The following WDR7 variants were observed in gnomAD, a reference collection of about 807,000 sequenced individuals.
The protein encoded by WDR7 is WD repeat domain 7.
A neutral mutation model predicts 169.4 loss-of-function variants in WDR7; 46 were observed. The observed-to-expected ratio is 0.27, with a 90% confidence interval of 0.21 to 0.35. WDR7 has a LOEUF of 0.35. Among genes scored for constraint, WDR7 ranks in the 10% least tolerant of loss-of-function variants. The pLI is 1.00. For synonymous variants in WDR7, 612 were observed against 666.8 expected, an observed-to-expected ratio of 0.92 and a Z score of 1.27; for missense variants, 1,534 against 1,859.3, an observed-to-expected ratio of 0.83 and a Z score of 3.22.
chr18:56,773,436 T>G (rs2044194796), intron 16 of WDR7, among the ~76,000 whole-genome samples: 1 of 152,196 alleles, frequency 6.6e-6, no homozygotes, highest in Non-Finnish European at 1.5e-5. Context: ...TTTTGTAATC[T>G]TTTTGGCATT....
intron 14 of WDR7, among the ~76,000 whole-genome samples, chr18:56,747,104 G>C (rs936847002): frequency 2.6e-5 from 4 of 152,186 alleles, no homozygotes; most frequent in African/African-American, 9.7e-5. Flanking sequence ...AGTGGATTCA[G>C]TCTTTCCTCT....
intron 22 of WDR7, among the ~76,000 whole-genome samples, chr18:56,929,505 C>T (rs556547893): frequency 6.6e-6 from 1 of 152,158 alleles, no homozygotes; most frequent in African/African-American, 2.4e-5. Context: ...ATCCAGTATC[C>T]GTAATGTGCT....
At chr18:56,744,472 G>A (rs2043672993) in intron 14 of WDR7, among the ~76,000 whole-genome samples, 3 of 152,070 alleles carry the variant, frequency 2.0e-5, no homozygotes, top group Admixed American at 2.0e-4. Flanking sequence ...AAGAGCAAGT[G>A]TAAGGATTCA....
At chr18:57,025,056 A>G (rs2048347895) in intron 27 of WDR7, among the ~76,000 whole-genome samples, 1 of 152,200 alleles carries the variant, frequency 6.6e-6, no homozygotes, top group Admixed American at 6.5e-5. Flanking sequence ...TTACATCTAG[A>G]GTATTCCCAT....
At chr18:56,920,638 C>T (rs2046703587) in intron 21 of WDR7, among the ~76,000 whole-genome samples, 2 of 152,184 alleles carry the variant, frequency 1.3e-5, no homozygotes, top group Admixed American at 6.5e-5. Context: ...ATGGTAGCAT[C>T]ATTCCCCACC....
At chr18:57,000,129 G>C (rs1164012920) in intron 26 of WDR7, among the ~76,000 whole-genome samples, 1 of 152,174 alleles carries the variant, frequency 6.6e-6, no homozygotes, top group Non-Finnish European at 1.5e-5. Context: ...GAAACATTCA[G>C]GGAGAATGTC....
rs73444880 is a variant in WDR7 at position 56,976,139 on chromosome 18, G to C, written c.4164+13610G>C. ...AATGATCCCAGCACAGTCGATCAGG[G>C]CTTCATTGACATCACTGGTGGCTGG... On this transcript the variant is annotated intron_variant, in intron 26 of 27. Coordinates refer to ENST00000254442, the MANE Select transcript of WDR7 (RefSeq NM_015285.3). Among the ~76,000 whole-genome samples, 212 of 152,236 alleles carry C rather than the reference G, an allele frequency of 1.4e-3. 2 individuals are homozygous for C. The highest frequency in any genetic ancestry group is 4.8e-3 in the African/African-American group (199 of 41,526).
chr18:56,898,662 C>T (rs180702468), intron 21 of WDR7, among the ~76,000 whole-genome samples: 297 of 152,064 alleles, frequency 2.0e-3, no homozygotes, highest in African/African-American at 6.8e-3. Flanking sequence ...CAAAATGAAC[C>T]ATTATTCACC....
At chr18:56,775,345 C>A (rs1312333563) in intron 16 of WDR7, among the ~76,000 whole-genome samples, 2 of 152,056 alleles carry the variant, frequency 1.3e-5, no homozygotes, top group African/African-American at 4.8e-5. Flanking sequence ...TTACTCCTGG[C>A]TACCAAGGCT....
chr18:56,967,278 C>G (rs1403187441), intron 26 of WDR7, among the ~76,000 whole-genome samples: 9 of 152,022 alleles, frequency 5.9e-5, no homozygotes, highest in Non-Finnish European at 5.9e-5. Flanking sequence ...TGAGTCTCCA[C>G]TGATTATGGA....
intron 1 of WDR7, among the ~76,000 whole-genome samples, chr18:56,661,303 A>G (rs1373904994): frequency 2.0e-5 from 3 of 152,298 alleles, no homozygotes; most frequent in South Asian, 2.1e-4. Flanking sequence ...ATGGGCTTTT[A>G]GCTTAATCAG....
At chr18:56,775,184 T>C (rs2044222297) in intron 16 of WDR7, among the ~76,000 whole-genome samples, 1 of 152,082 alleles carries the variant, frequency 6.6e-6, no homozygotes, top group East Asian at 1.9e-4. Flanking sequence ...TATTGTCCTT[T>C]CAGAATTAAG....
intron 16 of WDR7, among the ~76,000 whole-genome samples, chr18:56,761,249 A>G (rs1004698166): frequency 6.6e-6 from 1 of 152,116 alleles, no homozygotes; most frequent in Non-Finnish European, 1.5e-5. Context: ...AGCTCAGGCA[A>G]TTCACCCACT....
intron 20 of WDR7, among the ~76,000 whole-genome samples, chr18:56,829,120 C>CAA (rs34184203): frequency 0.018 from 1,979 of 109,242 alleles, 27 homozygotes; most frequent in East Asian, 0.041. Flanking sequence ...TTCACCTCTC[C>CAA]AAAAAAAAAA....
At chr18:56,673,071 T>C (rs2025169472) in intron 2 of WDR7, among the ~76,000 whole-genome samples, 1 of 152,156 alleles carries the variant, frequency 6.6e-6, no homozygotes. Context: ...TGACTGTGCC[T>C]TTATTGTCAT....
At chr18:56,998,881 A>G (rs1451136933) in intron 26 of WDR7, among the ~76,000 whole-genome samples, 2 of 152,220 alleles carry the variant, frequency 1.3e-5, no homozygotes, top group Non-Finnish European at 2.9e-5. Context: ...CTGAATACTT[A>G]AGAAATGGCA....
intron 14 of WDR7, among the ~76,000 whole-genome samples, chr18:56,748,062 A>G (rs1421007347): frequency 6.6e-6 from 1 of 152,004 alleles, no homozygotes; most frequent in Non-Finnish European, 1.5e-5. Context: ...GGACTTTTGC[A>G]TTTTCTTTCC....
chr18:56,796,870 TTAAGAAATTTGAGGGG>T (rs1167440368), intron 19 of WDR7, among the ~76,000 whole-genome samples: 1 of 152,202 alleles, frequency 6.6e-6, no homozygotes, highest in African/African-American at 2.4e-5. Context: ...ACGTAGTTCT[TTAAGAAATTTGAGGGG>T]AGTTTGTTTG....
chr18:56,690,333 G>T (rs1180259629), intron 7 of WDR7, among the ~76,000 whole-genome samples: 1 of 152,146 alleles, frequency 6.6e-6, no homozygotes, highest in African/African-American at 2.4e-5. Flanking sequence ...CAAATGTAAA[G>T]CCCTATAAGG....
Sources: allele counts gnomAD v4.1 joint callset (sites outside exome capture counted in the v4.1 genomes callset), GRCh38; gene constraint gnomAD v4.1.1; transcripts MANE v1.5; gene names NCBI Gene and HGNC (gene_info 2026-07-23, HGNC 2026-07-21).